NBR1: variants seen among roughly 807,000 people sequenced by gnomAD.
NBR1 encodes the protein NBR1 autophagy cargo receptor.
In NBR1, 59 loss-of-function variants were observed where a neutral mutation model predicts 115.5. That is an observed-to-expected ratio of 0.51 (90% CI 0.41 to 0.63). NBR1 has a LOEUF of 0.63. Among genes scored for constraint, NBR1 ranks in the 30% least tolerant of loss-of-function variants. The pLI is 0.00. For missense variants in NBR1, 1,043 were observed against 1,150.5 expected, an observed-to-expected ratio of 0.91 and a Z score of 1.35; for synonymous variants, 373 against 414.7, an observed-to-expected ratio of 0.90 and a Z score of 1.22.
At chr17:43,204,799 ACAAGACTC>A (rs2057280821) in intron 20 of NBR1, among the ~76,000 whole-genome samples, 2 of 133,382 alleles carry the variant, frequency 1.5e-5, no homozygotes, top group South Asian at 5.3e-4. Flanking sequence ...TGGCGACAGA[ACAAGACTC>A]CATCTTAAAA....
chr17:43,181,520 C>T (rs1056524153), intron 5 of NBR1, among the ~76,000 whole-genome samples: 1 of 37,188 alleles, frequency 2.7e-5, no homozygotes, highest in African/African-American at 3.5e-5. Flanking sequence ...AAATACAAAA[C>T]AGCCGGGCGT....
At chr17:43,200,754 G>T in intron 17 of NBR1, 146 bp downstream of exon 17, 1 of 679,584 alleles carries the variant, frequency 1.5e-6, no homozygotes, top group Non-Finnish European at 2.4e-6. Context: ...AATAAAAGTT[G>T]TATTTCCCAG....
chr17:43,194,359 C>T lies in NBR1; in HGVS notation c.1534C>T (p.Leu512Phe), dbSNP rs757229232. Residue 512 changes from leucine (L) to phenylalanine (F), a missense_variant, in exon 13 of 21, where the codon CTT (leucine) becomes TTT (phenylalanine). Leu to Phe is a conservative substitution (Grantham distance 22). Transcript: ENST00000590996. The stretch of plus-strand genomic sequence containing the variant: ...TGGTTTGTCTCTATAGGAAACTTTT[C>T]TTCTGGCTAAAGAAGAAAGACAGCT... ...DLTCQQEETF[L>F]LAKEERQLGE... is the part of the protein sequence containing the mutation. The T allele has an allele frequency of 1.2e-6, 2 of 1,612,534 alleles. No homozygotes were observed. The highest frequency in any genetic ancestry group is 1.7e-5 in the Admixed American group (1 of 59,766).
At chr17:43,206,364 G>A (rs1042650367) in intron 20 of NBR1, among the ~76,000 whole-genome samples, 1 of 151,338 alleles carries the variant, frequency 6.6e-6, no homozygotes, top group Admixed American at 6.6e-5. Flanking sequence ...GGTAGAGCCA[G>A]TAAAGAAATC....
rs766903387 is a variant in NBR1, at chr17:43,194,565, AGCCATAG to A, written c.1674+69_1674+75del. 14 of 1,551,750 alleles carry A rather than the reference AGCCATAG, an allele frequency of 9.0e-6. No individual in the cohort carries two copies. The South Asian group carries it at 1.6e-4, about 18-fold the overall frequency. The stretch of plus-strand genomic sequence containing the variant: ...GAGAGCACAGGAGAGAAGGTGGTAG[AGCCATAG>A]GCAGTAATCAGGAAATCAGAGATAT... On this transcript the variant is annotated intron_variant, in intron 13 of 20. Transcript: ENST00000590996.
chr17:43,203,930 C>T, intron 20 of NBR1, 144 bp downstream of exon 20: 1 of 424,580 alleles, frequency 2.4e-6, no homozygotes, highest in Non-Finnish European at 4.1e-6. Flanking sequence ...CACAACACAA[C>T]TCTGCCACTT....
intron 14 of NBR1, chr17:43,195,587 G>A (rs1243953581): frequency 6.5e-6 from 1 of 154,010 alleles, no homozygotes; most frequent in Non-Finnish European, 1.4e-5. Flanking sequence ...GAAGGCGGAG[G>A]TTGTGGTGAG....
At chr17:43,185,968 T>C (rs2056790548) in intron 5 of NBR1, among the ~76,000 whole-genome samples, 1 of 151,596 alleles carries the variant, frequency 6.6e-6, no homozygotes, top group South Asian at 2.1e-4. Flanking sequence ...GCCATTGCAC[T>C]CCAGCCTGGG....
chr17:43,210,170 T>A lies in NBR1; in HGVS notation c.*96T>A. 1 of 1,241,096 alleles carries A rather than the reference T, an allele frequency of 8.1e-7. No individual in the cohort carries two copies. Among genetic ancestry groups the A allele is most frequent in the Non-Finnish European group, 1.1e-6 (1 of 900,620 alleles). 76.9% of individuals were successfully genotyped at this position (1,241,096 alleles called of 1,614,324 possible). A position where few individuals can be genotyped will look rare whatever the true frequency, so the allele number is the denominator to read the frequency against. On this transcript the variant is annotated 3_prime_UTR_variant, in exon 21 of 21. Coordinates refer to ENST00000590996, the MANE Select transcript of NBR1 (RefSeq NM_005899.5). Reference sequence around the variant, plus strand: ...TAGAAGCCCTTGCTTATTTTTAATCTGATGAATCTGTATAGAGCCCATCGT... The same window carrying A: ...TAGAAGCCCTTGCTTATTTTTAATCAGATGAATCTGTATAGAGCCCATCGT...
At chr17:43,192,613 T>C (rs2056974848) in intron 10 of NBR1, among the ~76,000 whole-genome samples, 1 of 151,234 alleles carries the variant, frequency 6.6e-6, no homozygotes, top group Non-Finnish European at 1.5e-5. Context: ...TCGTGATCTA[T>C]CTGCCTTGGC....
intron 7 of NBR1, 115 bp from the exon 8 acceptor site, chr17:43,189,473 T>C: frequency 2.8e-6 from 2 of 704,688 alleles, no homozygotes; most frequent in South Asian, 3.6e-5. Context: ...AGCAGTTGTT[T>C]ATTGTGTTTT....
chr17:43,184,713 T>C (rs1479231421), intron 5 of NBR1, among the ~76,000 whole-genome samples: 1 of 152,112 alleles, frequency 6.6e-6, no homozygotes, highest in Non-Finnish European at 1.5e-5. Context: ...TTATAGGACA[T>C]ATCTTTAAGT....
At chr17:43,194,597 T>G in intron 13 of NBR1, 98 bp downstream of exon 13, 1 of 1,339,854 alleles carries the variant, frequency 7.5e-7, no homozygotes, top group South Asian at 1.3e-5. Flanking sequence ...ATCAGAGATA[T>G]GCCCACTTTG....
chr17:43,192,456 C>T (rs932516003), intron 10 of NBR1, among the ~76,000 whole-genome samples: 3 of 151,950 alleles, frequency 2.0e-5, no homozygotes, highest in Non-Finnish European at 4.4e-5. Flanking sequence ...GCAAGCTCCA[C>T]CTCCTGGGTT....
intron 5 of NBR1, 109 bp from the exon 6 acceptor site, chr17:43,186,141 G>A (rs1288180136): frequency 2.2e-6 from 2 of 907,540 alleles, no homozygotes; most frequent in Non-Finnish European, 3.3e-6. Context: ...ACAAATCCTA[G>A]TATTTTCTAG....
chr17:43,180,788 C>G lies in NBR1; in HGVS notation c.185-7C>G, dbSNP rs868158503. 2.8e-6 allele frequency: 4 copies of G among 1,445,834 alleles called. No individual in the cohort carries two copies. Among genetic ancestry groups the G allele is most frequent in the Non-Finnish European group, 2.7e-6 (3 of 1,091,798 alleles). The allele number at this position is 1,445,834 out of a possible 1,614,324, so 89.6% of individuals were successfully genotyped here. On this transcript the variant is annotated splice_region_variant and splice_polypyrimidine_tract_variant and intron_variant, in intron 4 of 20. Coordinates refer to ENST00000590996, the MANE Select transcript of NBR1 (RefSeq NM_005899.5). Reference sequence around the variant, plus strand: ...AGTATCATGGTGTATATTTTTTGTTCTTTTAGGAGAATATGAAGAAGCGCT... The same window carrying G: ...AGTATCATGGTGTATATTTTTTGTTGTTTTAGGAGAATATGAAGAAGCGCT...
chr17:43,206,184 A>T (rs1380362258), intron 20 of NBR1, among the ~76,000 whole-genome samples: 1 of 151,778 alleles, frequency 6.6e-6, no homozygotes, highest in Non-Finnish European at 1.5e-5. Flanking sequence ...TCAAAAAAAA[A>T]AAAAAAGAAA....
At chr17:43,203,568 A>T in intron 19 of NBR1, 113 bp from the exon 20 acceptor site, 4 of 626,992 alleles carry the variant, frequency 6.4e-6, no homozygotes, top group Admixed American at 2.9e-5. Flanking sequence ...CTCTTTTTCC[A>T]TCTAATTTTT....
intron 20 of NBR1, among the ~76,000 whole-genome samples, chr17:43,208,514 T>C (rs1321497635): frequency 6.6e-6 from 1 of 152,128 alleles, no homozygotes; most frequent in Non-Finnish European, 1.5e-5. Flanking sequence ...CCCTGCAAAG[T>C]AGGAGGTATG....
Sources: allele counts gnomAD v4.1 joint callset (sites outside exome capture counted in the v4.1 genomes callset), GRCh38; gene constraint gnomAD v4.1.1; transcripts MANE v1.5; gene names NCBI Gene and HGNC (gene_info 2026-07-23, HGNC 2026-07-21).